Variants in IPO11 observed in about 807,000 individuals in gnomAD.
The protein encoded by IPO11 is importin-11.
In IPO11, 66 loss-of-function variants were observed where a neutral mutation model predicts 143.2. The ratio of observed to expected loss-of-function variants is 0.46; its 90% CI spans 0.38 to 0.57. The LOEUF is 0.57. IPO11 is among the 20% of genes least tolerant of loss of function. The probability of loss-of-function intolerance (pLI) is 0.00; values close to 1 mark genes in which losing one functional copy is unlikely to be tolerated. For missense variants in IPO11, 1,026 were observed against 1,141.0 expected (o/e 0.90, Z 1.45); for synonymous variants, 385 against 377.8 (o/e 1.02, Z -0.22).
intron 27 of IPO11, chr5:62,579,438 T>A: frequency 6.4e-7 from 1 of 1,550,698 alleles, no homozygotes; most frequent in Non-Finnish European, 8.7e-7. Context: ...AGAACAGGGA[T>A]ATGTGTGGAT....
intron 1 of IPO11, among the ~76,000 whole-genome samples, chr5:62,430,881 T>C (rs1743961889): frequency 6.6e-6 from 1 of 151,946 alleles, no homozygotes; most frequent in Admixed American, 6.6e-5. Context: ...TTTCACCATG[T>C]TGGCCAGGCT....
chr5:62,616,719 C>CAAAAAAAAAA, intron 29 of IPO11, among the ~76,000 whole-genome samples: 1 of 84,438 alleles, frequency 1.2e-5, no homozygotes, highest in African/African-American at 5.2e-5. Flanking sequence ...GACTCTGACT[C>CAAAAAAAAAA]AAAAAAAAAA....
rs942782299 is a variant in IPO11, at chr5:62,580,742, A to G, written c.2583-10835A>G. The G allele has an allele frequency of 1.7e-5, 26 of 1,551,380 alleles. No individual in the cohort carries two copies. The African/African-American group carries it at 3.0e-4, about 18-fold the overall frequency. Reference sequence around the variant, plus strand: ...ACTACTGCGCTAATGATGGCCTGGCATAAAGTAACCACAAATGGCAGTCCT... The same window carrying G: ...ACTACTGCGCTAATGATGGCCTGGCGTAAAGTAACCACAAATGGCAGTCCT... On this transcript the variant is annotated intron_variant, in intron 27 of 29. Transcript: ENST00000325324.
chr5:62,453,622 G>C (rs1745021123), intron 5 of IPO11, among the ~76,000 whole-genome samples: 3 of 152,170 alleles, frequency 2.0e-5, no homozygotes, highest in Non-Finnish European at 4.4e-5. Context: ...GGGAAAAGCA[G>C]TGTATAACCT....
At chr5:62,613,697 T>C (rs952602118) in intron 29 of IPO11, among the ~76,000 whole-genome samples, 2 of 152,058 alleles carry the variant, frequency 1.3e-5, no homozygotes, top group African/African-American at 4.8e-5. Flanking sequence ...AATTTGCTGA[T>C]AGTTTATGAT....
In IPO11 at chr5:62,506,224, TTTC is replaced by T. The variant is rs1474374168; in HGVS notation, c.1666-14_1666-12del. On this transcript the variant is annotated splice_polypyrimidine_tract_variant and intron_variant, in intron 18 of 29. Transcript: ENST00000325324. ...TCTATTATAAACCTTTTTTATTTTC[TTTC>T]TTTTTACCTGCAGTATTTGGAAACC... 7.1e-7 allele frequency: 1 copy of T among 1,405,986 alleles called. No homozygotes were observed. Among genetic ancestry groups the T allele is most frequent in the Non-Finnish European group, 1.0e-6 (1 of 1,004,288 alleles). The allele number at this position is 1,405,986 out of a possible 1,614,324, so 87.1% of individuals were successfully genotyped here.
chr5:62,455,746 C>CA (rs1477937386), intron 5 of IPO11, among the ~76,000 whole-genome samples: 2 of 151,216 alleles, frequency 1.3e-5, no homozygotes, highest in Non-Finnish European at 2.9e-5. Context: ...TGATTTGACA[C>CA]AAAAAGGAAT....
rs775292683 is a variant in IPO11, at chr5:62,551,377, A to G, written c.2460+41A>G. 14 of 1,061,720 alleles carry G rather than the reference A, an allele frequency of 1.3e-5. No individual in the cohort carries two copies. The East Asian group carries it at 3.1e-4, about 24-fold the overall frequency. 65.8% of individuals were successfully genotyped at this position (1,061,720 alleles called of 1,614,324 possible). ...CTTAAATTTAAGGAAGTCTTTATCTAAATATAAATTAGAAATAGTTTGATG... is the reference window on the plus strand; with the variant it reads ...CTTAAATTTAAGGAAGTCTTTATCTGAATATAAATTAGAAATAGTTTGATG... On this transcript the variant is annotated intron_variant, in intron 26 of 29. Transcript: ENST00000325324.
chr5:62,550,489 G>A (rs757839122), intron 25 of IPO11, 27 bp downstream of exon 25: 7 of 1,467,872 alleles, frequency 4.8e-6, no homozygotes, highest in Non-Finnish European at 6.7e-6. Flanking sequence ...AGTTCCAAAG[G>A]TAGTGTTAGA....
At chr5:62,464,125 A>G (rs372859275) in intron 5 of IPO11, among the ~76,000 whole-genome samples, 10 of 107,056 alleles carry the variant, frequency 9.3e-5, no homozygotes, top group African/African-American at 3.3e-4. Context: ...CATCTGGTCT[A>G]TGTGTTTGTT....
At chr5:62,622,555 G>A (rs1385434855) in intron 29 of IPO11, among the ~76,000 whole-genome samples, 1 of 152,150 alleles carries the variant, frequency 6.6e-6, no homozygotes, top group Non-Finnish European at 1.5e-5. Context: ...ATTGAAACGT[G>A]AAGAAATAAG....
chr5:62,520,226 A>G (rs1742158425), intron 20 of IPO11, among the ~76,000 whole-genome samples: 1 of 152,248 alleles, frequency 6.6e-6, no homozygotes, highest in African/African-American at 2.4e-5. Context: ...GTGTGTGTAC[A>G]GTAGTGTCCA....
intron 27 of IPO11, among the ~76,000 whole-genome samples, chr5:62,567,568 T>TG (rs1318316674): frequency 1.4e-5 from 2 of 144,686 alleles, no homozygotes; most frequent in African/African-American, 2.5e-5. Context: ...CTTTTTTTTT[T>TG]TTTTTTTTTT....
At chr5:62,466,526 G>GA in intron 5 of IPO11, among the ~76,000 whole-genome samples, 2 of 152,104 alleles carry the variant, frequency 1.3e-5, no homozygotes, top group Non-Finnish European at 2.9e-5. Flanking sequence ...AGAACTCCTG[G>GA]AAAAAATTGA....
At position 62,607,907 on chromosome 5, in the gene IPO11, C is replaced by G. The variant is rs187161208; in HGVS notation, c.2763+6059C>G. On this transcript the variant is annotated intron_variant, in intron 29 of 29. Transcript: ENST00000325324. ...TCTCAGCTCACTGCAACCTCTGCCT[C>G]CCGGGTTCAAGCGATTCTCCTGCTT... Among the ~76,000 whole-genome samples, 8 of 152,048 alleles carry G rather than the reference C, an allele frequency of 5.3e-5. No homozygotes were observed. In the East Asian group the frequency reaches 1.4e-3, roughly 26 times the overall value.
chr5:62,505,781 A>C (rs1741535182), intron 18 of IPO11, among the ~76,000 whole-genome samples: 1 of 152,074 alleles, frequency 6.6e-6, no homozygotes. Context: ...ATTTCCATGC[A>C]ATATATATTA....
At chr5:62,460,931 T>G (rs1172629489) in intron 5 of IPO11, among the ~76,000 whole-genome samples, 1 of 152,222 alleles carries the variant, frequency 6.6e-6, no homozygotes, top group African/African-American at 2.4e-5. Flanking sequence ...CTGGAGCAGA[T>G]AGGAGGTATA....
chr5:62,559,583 T>C (rs1486122749), intron 26 of IPO11, among the ~76,000 whole-genome samples: 1 of 152,102 alleles, frequency 6.6e-6, no homozygotes, highest in African/African-American at 2.4e-5. Flanking sequence ...CTTTGTTGCT[T>C]TTGTTTTTGT....
chr5:62,496,842 T>C (rs1741176062), intron 16 of IPO11, among the ~76,000 whole-genome samples: 1 of 152,204 alleles, frequency 6.6e-6, no homozygotes, highest in African/African-American at 2.4e-5. Context: ...CCAAAAAATA[T>C]GTCACTCTGC....
Sources: gnomAD v4.1 joint callset for allele counts (sites outside exome capture counted in the v4.1 genomes callset) on GRCh38, gnomAD v4.1.1 for gene constraint, MANE v1.5 for transcripts, NCBI Gene and HGNC (gene_info 2026-07-23, HGNC 2026-07-21) for gene names.